KAT14: variants seen among roughly 807,000 people sequenced by gnomAD.
KAT14 encodes cysteine-rich protein 2-binding protein.
Under a neutral mutation model 78.4 loss-of-function variants are expected in KAT14, and 66 were observed. The ratio of observed to expected loss-of-function variants is 0.84; its 90% CI spans 0.69 to 1.03. The LOEUF (loss-of-function observed/expected upper bound fraction) is 1.03. Among genes scored for constraint, KAT14 ranks in the 50% least tolerant of loss-of-function variants. The pLI is 0.00. For synonymous variants in KAT14, 344 were observed against 359.4 expected (o/e 0.96, Z 0.48); for missense variants, 870 against 972.5 (o/e 0.89, Z 1.40).
At chr20:18,139,085 G>A (rs1179183884) in intron 1 of KAT14, among the ~76,000 whole-genome samples, 3 of 152,190 alleles carry the variant, frequency 2.0e-5, no homozygotes, top group Admixed American at 1.3e-4. Flanking sequence ...CAGAGATGAA[G>A]TGGATGAGGT....
chr20:18,152,165 G>C (rs2038072653), intron 4 of KAT14, among the ~76,000 whole-genome samples: 1 of 152,090 alleles, frequency 6.6e-6, no homozygotes, highest in African/African-American at 2.4e-5. Flanking sequence ...CTTTTAAGCT[G>C]TGTGTGGTGG....
In KAT14 at chr20:18,187,334, G is replaced by A. The variant is rs538749857; in HGVS notation, c.2221G>A (p.Ala741Thr). The change falls in exon 11 of 11, where the codon GCT becomes ACT. Residue 741 changes from alanine to threonine, a missense_variant. By Grantham distance (58) the Ala-to-Thr change is moderately conservative. Coordinates refer to ENST00000688188, the MANE Select transcript of KAT14 (RefSeq NM_001392073.1). ...CCTTCACGTCTCAGCAAGCAACCCC[G>A]CTATGCTACTGTACCAGAAGTTTGG... ...VTLHVSASNP[A>T]MLLYQKFGFK... 25 of 1,613,830 alleles carry A rather than the reference G, an allele frequency of 1.5e-5. No individual in the cohort carries two copies. Among genetic ancestry groups the A allele is most frequent in the Admixed American group, 1.0e-4 (6 of 59,952 alleles).
rs371327133 is a variant in KAT14 at position 18,183,210 on chromosome 20, G to A, written c.1893G>A (p.Pro631=). ...ACAGGAGCGACCCTCACTGGACGCC[G>A]GAGCCCGACGCACCTCTCGATTACT... is the stretch of plus-strand genomic sequence containing the variant. ...HLHRSDPHWT[P]EPDAPLDYCY... The change falls in exon 9 of 11, where the codon CCG becomes CCA. Residue 631 remains proline (P), a synonymous_variant. Coordinates refer to ENST00000688188, the MANE Select transcript of KAT14 (RefSeq NM_001392073.1). 43 of 1,613,946 alleles carry A rather than the reference G, an allele frequency of 2.7e-5. No individual in the cohort carries two copies. The highest frequency in any genetic ancestry group is 5.0e-5 in the Admixed American group (3 of 59,990).
chr20:18,166,436 TG>T (rs1230210006), intron 7 of KAT14, among the ~76,000 whole-genome samples: 2 of 152,246 alleles, frequency 1.3e-5, no homozygotes, highest in African/African-American at 4.8e-5. Flanking sequence ...GGAACGTGCC[TG>T]TGAGCATGTC....
At position 18,137,990 on chromosome 20, in the gene KAT14, C is replaced by T. The variant is rs1185986168; in HGVS notation, c.-515C>T. 6.6e-7 allele frequency: 1 copy of T among 1,506,414 alleles called. No homozygotes were observed. The highest frequency in any genetic ancestry group is 1.4e-5 in the African/African-American group (1 of 69,668). The allele number at this position is 1,506,414 out of a possible 1,614,324, so 93.3% of individuals were successfully genotyped here. The stretch of plus-strand genomic sequence containing the variant: ...AGCTCGAAGGTGGTGCTGGGCCTCT[C>T]GGTGCTGCTGACGGCGGCCACAGTG... On this transcript the variant is annotated 5_prime_UTR_variant, in exon 1 of 11. Coordinates refer to ENST00000688188, the MANE Select transcript of KAT14 (RefSeq NM_001392073.1).
chr20:18,184,512 G>C, intron 9 of KAT14, 90 bp from the exon 10 acceptor site: 1 of 1,053,842 alleles, frequency 9.5e-7, no homozygotes, highest in Non-Finnish European at 1.3e-6. Context: ...TTAGCATGCA[G>C]GTGTAGCTAT....
intron 7 of KAT14, among the ~76,000 whole-genome samples, chr20:18,180,499 C>T (rs533736203): frequency 6.6e-6 from 1 of 152,166 alleles, no homozygotes; most frequent in Admixed American, 6.5e-5. Flanking sequence ...GCCTAATACC[C>T]AGTTCCAAAG....
upstream of KAT14, among the ~76,000 whole-genome samples, chr20:18,137,424 C>A (rs907709822): frequency 2.6e-5 from 4 of 152,210 alleles, no homozygotes; most frequent in Admixed American, 2.6e-4. Context: ...GGGAACCCCG[C>A]GCCTCTGAAG....
At chr20:18,181,946 A>G (rs2146530857) in intron 8 of KAT14, 100 bp downstream of exon 8, 4 of 1,511,592 alleles carry the variant, frequency 2.6e-6, no homozygotes, top group Non-Finnish European at 3.6e-6. Flanking sequence ...AAAGATCACA[A>G]ACTGTGAACA....
intron 7 of KAT14, among the ~76,000 whole-genome samples, chr20:18,179,314 ACTCTGTGTGGGGG>A (rs1165155222): frequency 1.3e-5 from 2 of 151,830 alleles, no homozygotes; most frequent in Non-Finnish European, 2.9e-5. Flanking sequence ...CCCAGTAGGG[ACTCTGTGTGGGGG>A]CTCTGACCCC....
At chr20:18,150,456 A>G (rs989936192) in intron 3 of KAT14, among the ~76,000 whole-genome samples, 1 of 152,120 alleles carries the variant, frequency 6.6e-6, no homozygotes, top group African/African-American at 2.4e-5. Flanking sequence ...GCCAGAAGGT[A>G]CCCCTTGATT....
At chr20:18,181,919 C>A (rs1384605943) in intron 8 of KAT14, 73 bp downstream of exon 8, 1 of 1,584,442 alleles carries the variant, frequency 6.3e-7, no homozygotes, top group Non-Finnish European at 8.6e-7. Flanking sequence ...GTGCCCTGTT[C>A]TCCTGTTGGA....
rs755688110 is a variant in KAT14 at position 18,162,606 on chromosome 20, G to A, written c.1329G>A (p.Lys443=). ...NTSLQTRARE[K]RKPQLEKDTK... ...CTTTGCAAACAAGGGCTAGAGAAAA[G>A]AGGAAGCCTCAGCTGGAGAAGGACA... Residue 443 remains lysine (K), a synonymous_variant, in exon 7 of 11, where the codon AAG becomes AAA. Transcript: ENST00000688188. 3.7e-5 allele frequency: 60 copies of A among 1,614,066 alleles called. No individual in the cohort carries two copies. The highest frequency in any genetic ancestry group is 1.0e-5 in the Non-Finnish European group (12 of 1,180,034).
At chr20:18,179,026 G>T (rs886167138) in intron 7 of KAT14, among the ~76,000 whole-genome samples, 2 of 152,204 alleles carry the variant, frequency 1.3e-5, no homozygotes, top group Non-Finnish European at 2.9e-5. Flanking sequence ...CAGGGCCCAT[G>T]CAAGCTTGAA....
chr20:18,148,941 GGA>G (rs770816711), intron 3 of KAT14, among the ~76,000 whole-genome samples: 8 of 152,056 alleles, frequency 5.3e-5, no homozygotes, highest in Non-Finnish European at 1.0e-4. Context: ...ATAAATTCCA[GGA>G]GAGAAGGAAA....
At position 18,150,690 on chromosome 20, in the gene KAT14, C is replaced by T. The variant is rs528823064; in HGVS notation, c.379-131C>T. ...CTACCCTGGGAATATTCCAAGATAC[C>T]GTCCGTCCTTTGTTCGCTCTGTTCC... On this transcript the variant is annotated intron_variant, in intron 3 of 10. Transcript: ENST00000688188. 7.7e-5 allele frequency: 108 copies of T among 1,410,646 alleles called. No individual in the cohort carries two copies. In the Admixed American group the frequency reaches 1.6e-3, roughly 21 times the overall value. 87.4% of individuals were successfully genotyped at this position (1,410,646 alleles called of 1,614,324 possible).
intron 2 of KAT14, chr20:18,143,205 A>T: frequency 8.8e-7 from 1 of 1,135,328 alleles, no homozygotes; most frequent in Non-Finnish European, 1.1e-6. Flanking sequence ...ATATTTTTCT[A>T]ACAAGGTCAC....
chr20:18,187,648 C>T lies in KAT14; in HGVS notation c.*189C>T, dbSNP rs898994826. 1 of 807,740 alleles carries T rather than the reference C, an allele frequency of 1.2e-6. No individual in the cohort carries two copies. Among genetic ancestry groups the T allele is most frequent in the Non-Finnish European group, 1.8e-6 (1 of 546,540 alleles). The allele number at this position is 807,740 out of a possible 1,614,324, so 50.0% of individuals were successfully genotyped here. On this transcript the variant is annotated 3_prime_UTR_variant, in exon 11 of 11. Transcript: ENST00000688188. Reference sequence around the variant, plus strand: ...GTGAGCAGCCCTTTAGCAAAATCGCCCTCCAGTCCTTCCTGGAGATGCCTT... The same window carrying T: ...GTGAGCAGCCCTTTAGCAAAATCGCTCTCCAGTCCTTCCTGGAGATGCCTT...
intron 1 of KAT14, among the ~76,000 whole-genome samples, chr20:18,140,818 C>CAAAAAA (rs1157203058): frequency 1.3e-5 from 1 of 79,064 alleles, no homozygotes; most frequent in African/African-American, 5.1e-5. Context: ...GACTCCTTCT[C>CAAAAAA]AAAAAAAAAA....
Sources: gnomAD v4.1 joint callset for allele counts (sites outside exome capture counted in the v4.1 genomes callset) on GRCh38, gnomAD v4.1.1 for gene constraint, MANE v1.5 for transcripts, NCBI Gene and HGNC (gene_info 2026-07-23, HGNC 2026-07-21) for gene names.